The following STRN3 variants were observed in gnomAD, a reference collection of about 807,000 sequenced individuals.
STRN3 encodes the protein striatin-3.
STRN3 carries 29 observed loss-of-function variants against 95.6 expected under a neutral mutation model. The ratio of observed to expected loss-of-function variants is 0.30; its 90% CI spans 0.23 to 0.41. The LOEUF (loss-of-function observed/expected upper bound fraction) is 0.41, where lower values mean the gene tolerates loss of function less well. Ranked by LOEUF, STRN3 falls within the 10% of genes least tolerant of loss-of-function variation. The probability of loss-of-function intolerance (pLI) is 1.00; values close to 1 mark genes in which losing one functional copy is unlikely to be tolerated. For missense variants in STRN3, 890 were observed against 972.1 expected, an observed-to-expected ratio of 0.92 and a Z score of 1.12; for synonymous variants, 331 against 357.6, an observed-to-expected ratio of 0.93 and a Z score of 0.84.
chr14:30,955,401 C>G (rs1879850063), intron 3 of STRN3, among the ~76,000 whole-genome samples: 1 of 152,112 alleles, frequency 6.6e-6, no homozygotes, highest in Non-Finnish European at 1.5e-5. Context: ...CACACTTTTA[C>G]ACAGATTTCA....
Position 30,982,394 on chromosome 14 carries a change from G to A in STRN3, c.283-26152C>T, listed in dbSNP as rs141091419. Among the ~76,000 whole-genome samples, 302 of 152,134 alleles carry A rather than the reference G, an allele frequency of 2.0e-3. 2 individuals are homozygous for A. In the East Asian group the frequency reaches 0.03, roughly 15 times the overall value. On this transcript the variant is annotated intron_variant, in intron 1 of 17. Coordinates refer to ENST00000357479, the MANE Select transcript of STRN3 (RefSeq NM_001083893.2). The stretch of plus-strand genomic sequence containing the variant: ...GCAATCTCAGCTTACTGCAACCTCC[G>A]CATCCCGGGTTCAAGCAATTCTCCT...
chr14:30,956,501 T>A (rs1430257818), intron 1 of STRN3, among the ~76,000 whole-genome samples: 1 of 152,102 alleles, frequency 6.6e-6, no homozygotes, highest in Non-Finnish European at 1.5e-5. Flanking sequence ...AAAAATTTTT[T>A]AAATTGGCCA....
chr14:31,013,892 T>TATTATTTGAGACAGAGTGTC (rs1555327148), intron 1 of STRN3, among the ~76,000 whole-genome samples: 31 of 145,348 alleles, frequency 2.1e-4, no homozygotes, highest in African/African-American at 6.7e-4. Flanking sequence ...TTATTATTAT[T>TATTATTTGAGACAGAGTGTC]ATTATTATTA....
At chr14:30,897,417 T>C (rs1347275034) in intron 16 of STRN3, among the ~76,000 whole-genome samples, 1 of 152,086 alleles carries the variant, frequency 6.6e-6, no homozygotes, top group African/African-American at 2.4e-5. Flanking sequence ...AAACCTTGCC[T>C]CTACTAAAAA....
At chr14:30,904,137 C>T (rs766839988) in intron 15 of STRN3, among the ~76,000 whole-genome samples, 6 of 152,150 alleles carry the variant, frequency 3.9e-5, no homozygotes, top group Non-Finnish European at 7.4e-5. Flanking sequence ...AATACCATTT[C>T]CCACTAAAAG....
At chr14:30,959,199 G>A (rs1355690959) in intron 1 of STRN3, among the ~76,000 whole-genome samples, 4 of 152,050 alleles carry the variant, frequency 2.6e-5, no homozygotes, top group Admixed American at 2.0e-4. Context: ...GGCGGTGCAC[G>A]CCTGTTATCC....
chr14:30,941,665 A>G (rs549510898), intron 5 of STRN3, among the ~76,000 whole-genome samples: 2 of 152,006 alleles, frequency 1.3e-5, no homozygotes, highest in South Asian at 4.2e-4. Context: ...TCCCTTTGTC[A>G]CCCAGGCTGG....
intron 16 of STRN3, among the ~76,000 whole-genome samples, chr14:30,899,745 C>A (rs925705422): frequency 1.3e-5 from 2 of 151,926 alleles, no homozygotes; most frequent in Admixed American, 1.3e-4. Context: ...GCACATACCC[C>A]CCCCACCCCC....
In STRN3 at chr14:30,902,574, T is replaced by C. The variant is rs1218971769; in HGVS notation, c.2099A>G (p.His700Arg). 6.2e-6 allele frequency: 10 copies of C among 1,608,646 alleles called. No homozygotes were observed. Among genetic ancestry groups the C allele is most frequent in the East Asian group, 2.2e-5 (1 of 44,474 alleles). The stretch of plus-strand genomic sequence containing the variant: ...AAAAAATTTGATGTGTCTATCTTCA[T>C]GAGCAGTTATTGTAACAGGAAGTGT... ...HPTLPVTITA[H>R]EDRHIKFFDN... is the part of the protein sequence containing the mutation. Residue 700 changes from histidine (H) to arginine (R), a missense_variant, in exon 16 of 18, where the codon CAT becomes CGT. Physicochemically the swap from His to Arg is conservative, Grantham distance 29. Transcript: ENST00000357479.
intron 1 of STRN3, among the ~76,000 whole-genome samples, chr14:30,987,564 T>C (rs1284419738): frequency 6.6e-6 from 1 of 151,832 alleles, no homozygotes; most frequent in Non-Finnish European, 1.5e-5. Context: ...GCTAGAGAAA[T>C]ACGTCACAAC....
At chr14:31,007,154 A>G (rs1882755884) in intron 1 of STRN3, among the ~76,000 whole-genome samples, 2 of 152,364 alleles carry the variant, frequency 1.3e-5, no homozygotes, top group South Asian at 4.1e-4. Flanking sequence ...TGAAAGAGTA[A>G]GCCAAGAAAG....
intron 8 of STRN3, among the ~76,000 whole-genome samples, chr14:30,923,731 T>A (rs534955884): frequency 6.6e-6 from 1 of 152,266 alleles, no homozygotes; most frequent in South Asian, 2.1e-4. Context: ...GCTATAAGAA[T>A]AACAGCTCCT....
chr14:30,920,355 C>G (rs377423491), intron 8 of STRN3, among the ~76,000 whole-genome samples: 1 of 152,042 alleles, frequency 6.6e-6, no homozygotes, highest in East Asian at 1.9e-4. Context: ...ATTTCCCCCC[C>G]ACAGAGAAAT....
Position 31,026,101 on chromosome 14 carries a change from C to A in STRN3, c.85G>T (p.Gly29Cys), listed in dbSNP as rs1302732095. The A allele has an allele frequency of 1.3e-6, 2 of 1,526,436 alleles. No homozygotes were observed. Among genetic ancestry groups the A allele is most frequent in the East Asian group, 2.6e-5 (1 of 38,528 alleles). 94.6% of individuals were successfully genotyped at this position (1,526,436 alleles called of 1,614,324 possible). The change falls in exon 1 of 18, where the codon GGC (glycine) becomes TGC (cysteine). Residue 29 changes from glycine to cysteine, a missense_variant. Coordinates refer to ENST00000357479, the MANE Select transcript of STRN3 (RefSeq NM_001083893.2). ...RQQQGPGGNL[G>C]LSPGGNGAAG... ...GCTCCGTTCCCCCCGGGCGAAAGGC[C>A]CAGGTTCCCCCCAGGTCCCTGCTGC...
At chr14:30,902,913 G>T (rs1896363379) in intron 15 of STRN3, among the ~76,000 whole-genome samples, 1 of 151,992 alleles carries the variant, frequency 6.6e-6, no homozygotes, top group Admixed American at 6.5e-5. Context: ...AGGTAGTTTA[G>T]AATTTTTAAA....
intron 1 of STRN3, among the ~76,000 whole-genome samples, chr14:30,993,270 A>AAC (rs1555325169): frequency 6.6e-6 from 1 of 151,028 alleles, no homozygotes; most frequent in Non-Finnish European, 1.5e-5. Flanking sequence ...AAAAAAAAAA[A>AAC]CCCACAAACT....
chr14:30,919,862 A>G (rs1896837665), intron 8 of STRN3, among the ~76,000 whole-genome samples: 1 of 152,162 alleles, frequency 6.6e-6, no homozygotes, highest in Admixed American at 6.5e-5. Context: ...ACCATTGTGG[A>G]ATATTCTTTA....
chr14:31,016,888 C>T (rs1416147229), intron 1 of STRN3, among the ~76,000 whole-genome samples: 1 of 152,194 alleles, frequency 6.6e-6, no homozygotes. Context: ...GGTGCAGTAG[C>T]TGACACCTGT....
intron 9 of STRN3, among the ~76,000 whole-genome samples, chr14:30,914,470 G>A (rs1437054325): frequency 1.3e-5 from 2 of 151,856 alleles, no homozygotes; most frequent in African/African-American, 4.8e-5. Flanking sequence ...CTCCTGTCTC[G>A]GTCTCCCAAG....
Sources: gnomAD v4.1 joint callset for allele counts (sites outside exome capture counted in the v4.1 genomes callset) on GRCh38, gnomAD v4.1.1 for gene constraint, MANE v1.5 for transcripts, NCBI Gene and HGNC (gene_info 2026-07-23, HGNC 2026-07-21) for gene names.